The following CAMTA1 variants were observed in gnomAD, a reference collection of about 807,000 sequenced individuals.
CAMTA1 encodes calmodulin binding transcription activator 1, also known as calmodulin-binding transcription activator 1.
Under a neutral mutation model 170.9 loss-of-function variants are expected in CAMTA1, and 27 were observed. That is an observed-to-expected ratio of 0.16 (90% CI 0.12 to 0.22). CAMTA1 has a LOEUF of 0.22. Among genes scored for constraint, CAMTA1 ranks in the 10% least tolerant of loss-of-function variants. The probability of loss-of-function intolerance (pLI) is 1.00; values close to 1 mark genes in which losing one functional copy is unlikely to be tolerated. For synonymous variants in CAMTA1, 833 were observed against 891.5 expected (o/e 0.93, Z 1.17); for missense variants, 1,619 against 2,217.2 (o/e 0.73, Z 5.42).
At chr1:7,520,670 G>C (rs747014114) in intron 6 of CAMTA1, among the ~76,000 whole-genome samples, 2 of 152,126 alleles carry the variant, frequency 1.3e-5, no homozygotes, top group Non-Finnish European at 2.9e-5. Context: ...TGGCTGCAGA[G>C]TTGGGCGGTG....
rs1292615196 is a variant in CAMTA1 at position 7,752,336 on chromosome 1, A to G, written c.4884-123A>G. The G allele has an allele frequency of 7.6e-6, 6 of 784,460 alleles. No individual in the cohort carries two copies. The East Asian group carries it at 1.5e-4, about 20-fold the overall frequency. The allele number at this position is 784,460 out of a possible 1,614,324, so 48.6% of individuals were successfully genotyped here. ...CCCCTTCAGATTGTATACATCTTTA[A>G]CATATGCTGTTGGCTTTGCTACACG... On this transcript the variant is annotated intron_variant, in intron 20 of 22. Transcript: ENST00000303635.
intron 3 of CAMTA1, among the ~76,000 whole-genome samples, chr1:6,845,428 G>A (rs1014243726): frequency 1.5e-4 from 23 of 152,168 alleles, no homozygotes; most frequent in Admixed American, 1.2e-3. Context: ...TTCAGGGAAG[G>A]GAATCCTGAG....
At chr1:7,702,673 A>G (rs1465507336) in intron 11 of CAMTA1, among the ~76,000 whole-genome samples, 2 of 152,228 alleles carry the variant, frequency 1.3e-5, no homozygotes, top group East Asian at 1.9e-4. Flanking sequence ...GTGAAAAACA[A>G]CTAACTTCTA....
chr1:6,794,165 C>T (rs914132954), intron 1 of CAMTA1, among the ~76,000 whole-genome samples: 7 of 152,222 alleles, frequency 4.6e-5, no homozygotes, highest in East Asian at 1.9e-4. Context: ...AAAATGGGGA[C>T]GCTTAGAGGA....
At chr1:7,557,034 G>A (rs893838303) in intron 6 of CAMTA1, among the ~76,000 whole-genome samples, 23 of 152,100 alleles carry the variant, frequency 1.5e-4, no homozygotes, top group African/African-American at 4.6e-4. Context: ...ACAGCCAGGC[G>A]CGGTGGCTCA....
intron 5 of CAMTA1, among the ~76,000 whole-genome samples, chr1:7,358,207 C>T (rs919665150): frequency 3.9e-5 from 6 of 152,168 alleles, no homozygotes; most frequent in African/African-American, 1.4e-4. Flanking sequence ...CTTTTTTCCT[C>T]TGGTACCGAG....
chr1:7,255,652 C>T (rs149456753), intron 5 of CAMTA1, among the ~76,000 whole-genome samples: 365 of 152,256 alleles, frequency 2.4e-3, no homozygotes, highest in South Asian at 4.1e-3. Flanking sequence ...AAAGATACAT[C>T]GAGTATTTAT....
At chr1:7,318,267 T>C (rs899121972) in intron 5 of CAMTA1, among the ~76,000 whole-genome samples, 2 of 152,228 alleles carry the variant, frequency 1.3e-5, no homozygotes, top group Non-Finnish European at 2.9e-5. Context: ...GGAGATTTTC[T>C]GAATTTCAGG....
Position 7,674,342 on chromosome 1 carries a change from GAGC to G in CAMTA1, c.2780-3251_2780-3249del, listed in dbSNP as rs35358983. Among the ~76,000 whole-genome samples the G allele has an allele frequency of 0.33, 49,789 of 151,574 alleles. 8,562 individuals carry two copies. The highest frequency in any genetic ancestry group is 0.37 in the Non-Finnish European group (25,250 of 67,790). On this transcript the variant is annotated intron_variant, in intron 10 of 22. Transcript: ENST00000303635. This position sits in a 1 kb window ranked among gnomAD's most constrained non-coding sequence, Gnocchi z 4.1. Reference sequence around the variant, plus strand: ...GTTAGGGCAGTGAGCTGAGGGCAGTGAGCAGCAGTGAGTGAGAGGAGGTGCTGG... The same window carrying G: ...GTTAGGGCAGTGAGCTGAGGGCAGTGAGCAGTGAGTGAGAGGAGGTGCTGG...
intron 6 of CAMTA1, among the ~76,000 whole-genome samples, chr1:7,637,916 A>C (rs1246823319): frequency 6.6e-6 from 1 of 152,236 alleles, no homozygotes; most frequent in Non-Finnish European, 1.5e-5. Flanking sequence ...ATTAAGGAGC[A>C]TGATTACCGC....
chr1:6,999,652 G>A (rs554617885), intron 3 of CAMTA1, among the ~76,000 whole-genome samples: 79 of 152,252 alleles, frequency 5.2e-4, no homozygotes, highest in African/African-American at 1.8e-3. Flanking sequence ...CAAAGTGCTA[G>A]GATTATACCG....
At chr1:7,296,609 GTGAA>G (rs1673977235) in intron 5 of CAMTA1, among the ~76,000 whole-genome samples, 1 of 152,188 alleles carries the variant, frequency 6.6e-6, no homozygotes, top group Admixed American at 6.5e-5. Context: ...AAGAAACTGA[GTGAA>G]TGACGGTGCT....
rs996203691 is a variant in CAMTA1, at chr1:7,041,358, C to G, written c.235-49946C>G. On this transcript the variant is annotated intron_variant, in intron 3 of 22. Coordinates refer to ENST00000303635, the MANE Select transcript of CAMTA1 (RefSeq NM_015215.4). This position sits in a 1 kb window ranked among gnomAD's most constrained non-coding sequence, Gnocchi z 5.1. ...TGCCAGCATCTATTGTCTAAGAGGG[C>G]TGGGGAAGCTCACTGTTTGAAACAC... Among the ~76,000 whole-genome samples the G allele has an allele frequency of 1.3e-5, 2 of 152,200 alleles. No individual in the cohort carries two copies. The highest frequency in any genetic ancestry group is 6.5e-5 in the Admixed American group (1 of 15,290).
rs1553247057 is a variant in CAMTA1, at chr1:7,680,861, C to CGCGCCAGCAGCAGCAGCAGCAGCAG, written c.2914+3128_2914+3129insGCGCCAGCAGCAGCAGCAGCAGCAG. On this transcript the variant is annotated intron_variant, in intron 11 of 22. Transcript: ENST00000303635. The surrounding 1 kb of genome is among the most constrained non-coding windows in gnomAD (Gnocchi z 4.4). ...GAGAACACGCGCGCGCGCGCGCGCG[C>CGCGCCAGCAGCAGCAGCAGCAGCAG]CAGCAGCAGCAGCAGCAGCAGCTGC... Among the ~76,000 whole-genome samples, 15 of 136,508 alleles carry CGCGCCAGCAGCAGCAGCAGCAGCAG rather than the reference C, an allele frequency of 1.1e-4. No individual in the cohort carries two copies. Among genetic ancestry groups the CGCGCCAGCAGCAGCAGCAGCAGCAG allele is most frequent in the Non-Finnish European group, 2.1e-4 (13 of 61,386 alleles). The allele number at this position is 136,508 out of a possible 152,430, so 89.6% of individuals were successfully genotyped here.
At chr1:7,707,249 A>C (rs1283531346) in intron 11 of CAMTA1, among the ~76,000 whole-genome samples, 1 of 152,192 alleles carries the variant, frequency 6.6e-6, no homozygotes, top group Non-Finnish European at 1.5e-5. Context: ...TCACTGCTGC[A>C]GTGTATTCAT....
chr1:7,758,034 A>G (rs1224220587), intron 22 of CAMTA1, among the ~76,000 whole-genome samples: 5 of 152,150 alleles, frequency 3.3e-5, no homozygotes, highest in Non-Finnish European at 5.9e-5. Context: ...CCCTCTGCAT[A>G]TATATAGATA....
At chr1:7,009,717 C>T (rs1699521740) in intron 3 of CAMTA1, among the ~76,000 whole-genome samples, 1 of 152,238 alleles carries the variant, frequency 6.6e-6, no homozygotes. Context: ...CCTTGCCTCC[C>T]AGCTTGACGT....
rs1458682682 is a variant in CAMTA1, at chr1:7,588,434, C to T, written c.511-51966C>T. On this transcript the variant is annotated intron_variant, in intron 6 of 22. Transcript: ENST00000303635. This position sits in a 1 kb window ranked among gnomAD's most constrained non-coding sequence, Gnocchi z 5.8. ...CCCTGGGCTTCGTAATCACACTACA[C>T]TAACGCCTCTGCAAGCATCGTTTTA... Among the ~76,000 whole-genome samples the T allele has an allele frequency of 6.6e-6, 1 of 152,218 alleles. No homozygotes were observed. The highest frequency in any genetic ancestry group is 6.5e-5 in the Admixed American group (1 of 15,288).
At chr1:6,981,406 AC>A (rs1362515544) in intron 3 of CAMTA1, among the ~76,000 whole-genome samples, 1 of 152,154 alleles carries the variant, frequency 6.6e-6, no homozygotes, top group African/African-American at 2.4e-5. Flanking sequence ...CTTACTCTGT[AC>A]AATTTTGCAC....
Sources: allele counts gnomAD v4.1 joint callset (sites outside exome capture counted in the v4.1 genomes callset), GRCh38; gene constraint gnomAD v4.1.1; non-coding constraint Gnocchi (gnomAD v3.1); transcripts MANE v1.5; gene names NCBI Gene and HGNC (gene_info 2026-07-23, HGNC 2026-07-21).